Variants in SPTLC3 observed in about 807,000 individuals in gnomAD.
The protein encoded by SPTLC3 is serine palmitoyltransferase 3.
In SPTLC3, 36 loss-of-function variants were observed where a neutral mutation model predicts 59.3. The observed-to-expected ratio is 0.61, with a 90% CI of 0.47 to 0.80. The LOEUF is 0.80. Among genes scored for constraint, SPTLC3 ranks in the 30% least tolerant of loss-of-function variants. The pLI is 0.00. For missense variants in SPTLC3, 625 were observed against 685.1 expected, an observed-to-expected ratio of 0.91 and a Z score of 0.98; for synonymous variants, 257 against 240.8, an observed-to-expected ratio of 1.07 and a Z score of -0.62.
intron 2 of SPTLC3, among the ~76,000 whole-genome samples, chr20:13,056,631 G>T (rs1987741184): frequency 1.3e-5 from 2 of 151,318 alleles, no homozygotes; most frequent in Admixed American, 1.3e-4. Flanking sequence ...TATATTTTTG[G>T]TAAAGACAGG....
chr20:13,051,968 A>G (rs1488065072), intron 2 of SPTLC3, among the ~76,000 whole-genome samples: 1 of 152,132 alleles, frequency 6.6e-6, no homozygotes, highest in African/African-American at 2.4e-5. Context: ...CTACATCAGA[A>G]TGTCTGAAAG....
intron 4 of SPTLC3, among the ~76,000 whole-genome samples, chr20:13,082,797 TA>T (rs1282196433): frequency 6.6e-6 from 1 of 152,166 alleles, no homozygotes; most frequent in East Asian, 1.9e-4. Context: ...TCCTTTAGAC[TA>T]AAAAACTCTC....
intron 7 of SPTLC3, among the ~76,000 whole-genome samples, chr20:13,113,431 C>T (rs1211968958): frequency 6.6e-6 from 1 of 152,088 alleles, no homozygotes; most frequent in African/African-American, 2.4e-5. Flanking sequence ...TCAATTTTTT[C>T]ATAACCCCCA....
At chr20:13,126,207 A>G (rs2037986133) in intron 8 of SPTLC3, among the ~76,000 whole-genome samples, 1 of 152,158 alleles carries the variant, frequency 6.6e-6, no homozygotes, top group Non-Finnish European at 1.5e-5. Flanking sequence ...GGGCACAATC[A>G]TATGTAATAT....
At chr20:13,033,453 C>T (rs1026395535) in intron 1 of SPTLC3, among the ~76,000 whole-genome samples, 1 of 152,192 alleles carries the variant, frequency 6.6e-6, no homozygotes, top group Non-Finnish European at 1.5e-5. Flanking sequence ...TGGCCATCAA[C>T]ATTCAGATGG....
At chr20:13,033,650 C>T (rs1986601503) in intron 1 of SPTLC3, among the ~76,000 whole-genome samples, 1 of 151,980 alleles carries the variant, frequency 6.6e-6, no homozygotes, top group Non-Finnish European at 1.5e-5. Flanking sequence ...TCACACCAGA[C>T]AATAGTGTTG....
At chr20:13,033,529 A>G (rs924318729) in intron 1 of SPTLC3, among the ~76,000 whole-genome samples, 1 of 152,144 alleles carries the variant, frequency 6.6e-6, no homozygotes, top group Non-Finnish European at 1.5e-5. Context: ...TATTCACTTC[A>G]CGTTGCTCAG....
intron 1 of SPTLC3, among the ~76,000 whole-genome samples, chr20:13,042,074 C>G (rs1987008051): frequency 6.6e-6 from 1 of 152,172 alleles, no homozygotes; most frequent in Non-Finnish European, 1.5e-5. Flanking sequence ...AATTCATGAT[C>G]CTTGGTATGT....
At chr20:13,059,926 C>G in intron 2 of SPTLC3, among the ~76,000 whole-genome samples, 1 of 152,120 alleles carries the variant, frequency 6.6e-6, no homozygotes, top group East Asian at 1.9e-4. Flanking sequence ...CACCACTAGC[C>G]TCAAGATAGC....
intron 8 of SPTLC3, among the ~76,000 whole-genome samples, chr20:13,118,500 G>A (rs1441751594): frequency 1.3e-5 from 2 of 149,870 alleles, no homozygotes; most frequent in Admixed American, 6.7e-5. Context: ...TTTAAAAGGA[G>A]GGAAAGGAAA....
intron 4 of SPTLC3, among the ~76,000 whole-genome samples, chr20:13,081,378 A>G (rs563251850): frequency 2.3e-4 from 35 of 152,200 alleles, no homozygotes; most frequent in Non-Finnish European, 5.0e-4. Context: ...TATCTTCCTA[A>G]CAAATTATCT....
intron 9 of SPTLC3, among the ~76,000 whole-genome samples, chr20:13,134,638 G>A (rs930649909): frequency 2.0e-5 from 3 of 152,130 alleles, no homozygotes; most frequent in Admixed American, 2.0e-4. Context: ...GGAGATTCTG[G>A]TGCAGGCTCA....
At chr20:13,096,795 T>A (rs754847642) in intron 6 of SPTLC3, among the ~76,000 whole-genome samples, 9 of 152,124 alleles carry the variant, frequency 5.9e-5, no homozygotes, top group Non-Finnish European at 1.5e-5. Flanking sequence ...ATTATTATAA[T>A]CATACAACAT....
chr20:13,099,313 A>G (rs1417882783), intron 6 of SPTLC3, among the ~76,000 whole-genome samples: 1 of 152,174 alleles, frequency 6.6e-6, no homozygotes, highest in African/African-American at 2.4e-5. Context: ...AACCAAGGAC[A>G]TGGATTCTCC....
At chr20:13,118,584 T>G (rs747606662) in intron 8 of SPTLC3, among the ~76,000 whole-genome samples, 1 of 152,008 alleles carries the variant, frequency 6.6e-6, no homozygotes, top group Non-Finnish European at 1.5e-5. Context: ...AATGAGAGGA[T>G]AGCCTTGTCC....
intron 2 of SPTLC3, among the ~76,000 whole-genome samples, chr20:13,058,523 T>C (rs1309136201): frequency 6.6e-6 from 1 of 152,206 alleles, no homozygotes; most frequent in Non-Finnish European, 1.5e-5. Flanking sequence ...TACCTAGGCT[T>C]TTCTCACAGA....
intron 1 of SPTLC3, among the ~76,000 whole-genome samples, chr20:13,035,902 T>C (rs1046375035): frequency 6.6e-6 from 1 of 152,184 alleles, no homozygotes; most frequent in African/African-American, 2.4e-5. Context: ...TAAGGCAAAT[T>C]AAGTTGTATT....
At chr20:13,092,873 AAAG>A (rs1232058259) in intron 5 of SPTLC3, among the ~76,000 whole-genome samples, 4 of 152,178 alleles carry the variant, frequency 2.6e-5, no homozygotes, top group Admixed American at 1.3e-4. Context: ...TTTAGTTTAA[AAAG>A]AAGAATACTT....
At position 13,110,235 on chromosome 20, in the gene SPTLC3, C is replaced by T. The variant is rs1193572593; in HGVS notation, c.932+18C>T. 1 of 1,604,744 alleles carries T rather than the reference C, an allele frequency of 6.2e-7. No individual in the cohort carries two copies. The highest frequency in any genetic ancestry group is 8.5e-7 in the Non-Finnish European group (1 of 1,174,404). On this transcript the variant is annotated intron_variant, in intron 7 of 11. Coordinates refer to ENST00000399002, the MANE Select transcript of SPTLC3 (RefSeq NM_018327.4). ...GTCTACAGGTATGTAAATAACAGGA[C>T]ACATTTTACGACTCGGAGGCCTGCA...
Sources: gnomAD v4.1 joint callset for allele counts (sites outside exome capture counted in the v4.1 genomes callset) on GRCh38, gnomAD v4.1.1 for gene constraint, MANE v1.5 for transcripts, NCBI Gene and HGNC (gene_info 2026-07-23, HGNC 2026-07-21) for gene names.